Variants in MED13L observed in about 807,000 individuals in gnomAD.
The protein encoded by MED13L is mediator of RNA polymerase II transcription subunit 13-like.
Under a neutral mutation model 220.9 loss-of-function variants are expected in MED13L, and 7 were observed. The ratio of observed to expected loss-of-function variants is 0.03; its 90% confidence interval spans 0.02 to 0.06. The LOEUF (loss-of-function observed/expected upper bound fraction) is 0.06, where lower values mean the gene tolerates loss of function less well. Ranked by LOEUF, MED13L falls within the 10% of genes least tolerant of loss-of-function variation. The pLI is 1.00. For synonymous variants in MED13L, 1,011 were observed against 1,015.2 expected, an observed-to-expected ratio of 1.00 and a Z score of 0.08; for missense variants, 1,965 against 2,760.5, an observed-to-expected ratio of 0.71 and a Z score of 6.46.
chr12:116,067,585 A>G (rs928230691), intron 4 of MED13L, among the ~76,000 whole-genome samples: 3 of 152,202 alleles, frequency 2.0e-5, no homozygotes, highest in African/African-American at 7.2e-5. Flanking sequence ...GATAAACCTG[A>G]CAAAACAAGC....
At chr12:116,028,186 T>C (rs1880516011) in intron 4 of MED13L, among the ~76,000 whole-genome samples, 1 of 152,214 alleles carries the variant, frequency 6.6e-6, no homozygotes. Context: ...AAATTTTAAT[T>C]TGTTAAAATG....
intron 1 of MED13L, among the ~76,000 whole-genome samples, chr12:116,248,276 T>C (rs1871245573): frequency 6.6e-6 from 1 of 152,198 alleles, no homozygotes; most frequent in South Asian, 2.1e-4. Context: ...ATTAATTACA[T>C]TTGCTCAGCA....
chr12:116,133,931 T>C (rs549960801), intron 2 of MED13L, among the ~76,000 whole-genome samples: 27 of 152,208 alleles, frequency 1.8e-4, no homozygotes, highest in African/African-American at 6.3e-4. Flanking sequence ...CCACCAGCTA[T>C]GTGAATAAAA....
At chr12:116,079,148 T>G (rs1350141307) in intron 4 of MED13L, among the ~76,000 whole-genome samples, 1 of 152,244 alleles carries the variant, frequency 6.6e-6, no homozygotes. Flanking sequence ...TCATTTATGT[T>G]AACATGCAGT....
intron 25 of MED13L, among the ~76,000 whole-genome samples, chr12:115,974,957 T>C (rs748559384): frequency 5.9e-5 from 9 of 152,242 alleles, no homozygotes; most frequent in Non-Finnish European, 1.2e-4. Context: ...TTGTTTTATA[T>C]ATTGGGGCTC....
chr12:116,065,100 G>C (rs952283930), intron 4 of MED13L, among the ~76,000 whole-genome samples: 2 of 152,022 alleles, frequency 1.3e-5, no homozygotes, highest in Non-Finnish European at 1.5e-5. Flanking sequence ...AAAATCAAAT[G>C]TCCCAGCAAC....
intron 1 of MED13L, 127 bp downstream of exon 1, chr12:116,276,933 G>T: frequency 9.0e-7 from 1 of 1,105,226 alleles, no homozygotes; most frequent in Non-Finnish European, 1.3e-6. Context: ...GGCGAGAGGC[G>T]AACGGCGGGG....
At chr12:116,251,308 CTTTTTTTT>C (rs61533775) in intron 1 of MED13L, among the ~76,000 whole-genome samples, 1 of 87,874 alleles carries the variant, frequency 1.1e-5, no homozygotes, top group Non-Finnish European at 2.2e-5. Context: ...ATCATGGATC[CTTTTTTTT>C]TTTTTTTTTT....
intron 11 of MED13L, 54 bp downstream of exon 11, chr12:116,007,357 C>G: frequency 9.3e-6 from 14 of 1,512,032 alleles, no homozygotes; most frequent in Non-Finnish European, 1.3e-5. Context: ...ACATGTTGTA[C>G]TGACATAGAT....
chr12:116,184,385 T>C (rs1157119402), intron 2 of MED13L, among the ~76,000 whole-genome samples: 1 of 152,166 alleles, frequency 6.6e-6, no homozygotes, highest in Non-Finnish European at 1.5e-5. Flanking sequence ...TCAAGAAATG[T>C]GGAGTTTGTA....
At chr12:115,981,061 C>A (rs1182633350) in intron 22 of MED13L, 123 bp from the exon 23 acceptor site, 1 of 750,732 alleles carries the variant, frequency 1.3e-6, no homozygotes, top group East Asian at 2.7e-5. Context: ...GGAGAGGTAA[C>A]CTCAGCCTTA....
chr12:116,253,805 G>T (rs1871796954), intron 1 of MED13L, among the ~76,000 whole-genome samples: 1 of 134,668 alleles, frequency 7.4e-6, no homozygotes, highest in Admixed American at 8.1e-5. Context: ...TGTCACCCAG[G>T]CTGGAGTGCA....
intron 2 of MED13L, among the ~76,000 whole-genome samples, chr12:116,128,028 T>A (rs1201176471): frequency 6.6e-6 from 1 of 152,148 alleles, no homozygotes; most frequent in African/African-American, 2.4e-5. Flanking sequence ...GGCTGTCTCC[T>A]CCAAGCGGCA....
chr12:116,111,504 C>T lies in MED13L; in HGVS notation c.319G>A (p.Glu107Lys). Residue 107 changes from glutamate to lysine, a missense_variant, in exon 3 of 31, where the codon GAA (glutamate) becomes AAA (lysine). Glu to Lys is a moderately conservative substitution (Grantham distance 56). Around this residue, in one of 10 missense-constraint regions of MED13L, gnomAD observed 818 missense variants for 1,041.2 expected, o/e 0.79. Transcript: ENST00000281928. Reference sequence around the variant, plus strand: ...GAAAGGCCATTTTCCCAGAGTCCTTCTTCCACAACTGAAAAAAAAAAGAAA... The same window carrying T: ...GAAAGGCCATTTTCCCAGAGTCCTTTTTCCACAACTGAAAAAAAAAAGAAA... ...VIHHELQVVE[E>K]GLWENGLSYE... is the part of the protein sequence containing the mutation. 1 of 1,598,718 alleles carries T rather than the reference C, an allele frequency of 6.3e-7. No individual in the cohort carries two copies. Among genetic ancestry groups the T allele is most frequent in the Non-Finnish European group, 8.5e-7 (1 of 1,173,472 alleles).
In MED13L at chr12:116,277,200, G is replaced by C; in HGVS notation, c.-69C>G. On this transcript the variant is annotated 5_prime_UTR_variant, in exon 1 of 31. Coordinates refer to ENST00000281928, the MANE Select transcript of MED13L (RefSeq NM_015335.5). ...GAGGCGTCCGAGGCGAGGCCGGGCC[G>C]GGCGGCGGCGCCTCGCCGGGGAGCG... The C allele has an allele frequency of 1.8e-6, 2 of 1,094,916 alleles. No homozygotes were observed. Among genetic ancestry groups the C allele is most frequent in the South Asian group, 2.4e-5 (1 of 41,302 alleles). The allele number at this position is 1,094,916 out of a possible 1,614,324, so 67.8% of individuals were successfully genotyped here. A position where few individuals can be genotyped will look rare whatever the true frequency, so the allele number is the denominator to read the frequency against.
intron 2 of MED13L, among the ~76,000 whole-genome samples, chr12:116,209,802 T>C (rs1280244183): frequency 2.0e-5 from 3 of 152,168 alleles, no homozygotes; most frequent in Admixed American, 6.6e-5. Context: ...CCTCAAACTT[T>C]GGTAAAGCCC....
rs1232432281 is a variant in MED13L at position 116,127,252 on chromosome 12, T to C, written c.311-15740A>G. On this transcript the variant is annotated intron_variant, in intron 2 of 30. Transcript: ENST00000281928. ...ATTAGATCTGTTATATAATAATTCATTTCTTTTGTATGAAATTTTGTTTGT... is the reference window on the plus strand; with the variant it reads ...ATTAGATCTGTTATATAATAATTCACTTCTTTTGTATGAAATTTTGTTTGT... Among the ~76,000 whole-genome samples, 3 of 152,196 alleles carry C rather than the reference T, an allele frequency of 2.0e-5. No individual in the cohort carries two copies. In the East Asian group the frequency reaches 5.8e-4, roughly 29 times the overall value.
At chr12:116,067,554 A>C (rs1351023364) in intron 4 of MED13L, among the ~76,000 whole-genome samples, 1 of 152,202 alleles carries the variant, frequency 6.6e-6, no homozygotes, top group Non-Finnish European at 1.5e-5. Flanking sequence ...CATTTATTAT[A>C]TATTGGATAT....
At chr12:116,249,737 A>G (rs1871357035) in intron 1 of MED13L, among the ~76,000 whole-genome samples, 1 of 136,184 alleles carries the variant, frequency 7.3e-6, no homozygotes, top group African/African-American at 2.9e-5. Flanking sequence ...ACCTACCCAA[A>G]AAAAAAAAAA....
Sources: gnomAD v4.1 joint callset for allele counts (sites outside exome capture counted in the v4.1 genomes callset) on GRCh38, gnomAD v4.1.1 for gene constraint, gnomAD v4.1.1 regional missense constraint, MANE v1.5 for transcripts, NCBI Gene and HGNC (gene_info 2026-07-23, HGNC 2026-07-21) for gene names.